Variants in UNC13C observed in about 807,000 individuals in gnomAD.
The protein encoded by UNC13C is unc-13 homolog C.
In UNC13C, 174 loss-of-function variants were observed where a neutral mutation model predicts 245.4. The ratio of observed to expected loss-of-function variants is 0.71; its 90% CI spans 0.63 to 0.80. UNC13C has a LOEUF of 0.80. Ranked by LOEUF, UNC13C falls within the 30% of genes least tolerant of loss-of-function variation. The pLI, the probability that UNC13C is intolerant of heterozygous loss-of-function variation, is 0.00. For missense variants in UNC13C, 2,829 were observed against 2,602.9 expected (o/e 1.09, Z -1.89); for synonymous variants, 992 against 895.1 (o/e 1.11, Z -1.93).
intron 17 of UNC13C, among the ~76,000 whole-genome samples, chr15:54,355,329 A>G (rs2140851445): frequency 6.6e-6 from 1 of 152,200 alleles, no homozygotes; most frequent in African/African-American, 2.4e-5. Context: ...TCATTTCATT[A>G]TCTCTGAATT....
intron 4 of UNC13C, among the ~76,000 whole-genome samples, chr15:54,221,197 T>C (rs1165865834): frequency 6.6e-6 from 1 of 152,062 alleles, no homozygotes; most frequent in Non-Finnish European, 1.5e-5. Context: ...TAAATTTAAA[T>C]TCTAATTGCT....
chr15:54,011,219 C>T lies in UNC13C; in HGVS notation c.-256-1429C>T, dbSNP rs76678209. 6.1e-3 allele frequency among the ~76,000 whole-genome samples: 924 copies of T among 152,124 alleles called. 8 individuals are homozygous for T. The highest frequency in any genetic ancestry group is 0.021 in the African/African-American group (862 of 41,506). On this transcript the variant is annotated intron_variant, in intron 1 of 32. Coordinates refer to ENST00000260323, the MANE Select transcript of UNC13C (RefSeq NM_001080534.3). ...GAGTTCGTGTGTGCAACTGTGGACACCTGTTCCTGAGTTTGCATTTGGTGG... is the reference window on the plus strand; with the variant it reads ...GAGTTCGTGTGTGCAACTGTGGACATCTGTTCCTGAGTTTGCATTTGGTGG...
chr15:54,048,511 C>T (rs1055609457), intron 2 of UNC13C: 29 of 579,850 alleles, frequency 5.0e-5, no homozygotes, highest in African/African-American at 1.1e-4. Flanking sequence ...TTCCACTAAA[C>T]CTTAGTATGT....
At position 54,532,933 on chromosome 15, in the gene UNC13C, G is replaced by T; in HGVS notation, c.5563G>T (p.Glu1855Ter). Residue 1855 changes from glutamate (E) to a stop codon, truncating the protein, a stop_gained, in exon 26 of 33, where the codon GAA (glutamate) becomes TAA (stop). Coordinates refer to ENST00000260323, the MANE Select transcript of UNC13C (RefSeq NM_001080534.3). LOFTEE classifies it high-confidence loss of function. ...TATTTTTAGTTTCCAGGTTATAATT[G>T]AAGAGTGTATAAAACAGATGAGTTT... ...TYGESFQVIIEECIKQMSFEL... is the reference protein window; with the variant it reads ...TYGESFQVII 1 of 1,558,236 alleles carries T rather than the reference G, an allele frequency of 6.4e-7. No homozygotes were observed. Among genetic ancestry groups the T allele is most frequent in the Non-Finnish European group, 8.7e-7 (1 of 1,144,352 alleles).
chr15:54,438,700 G>A (rs970512818), intron 19 of UNC13C, among the ~76,000 whole-genome samples: 6 of 151,840 alleles, frequency 4.0e-5, no homozygotes, highest in African/African-American at 1.4e-4. Flanking sequence ...TACCTCTAGA[G>A]AGCTGGTGGT....
chr15:54,298,725 A>C (rs2037499608), intron 12 of UNC13C, among the ~76,000 whole-genome samples: 1 of 152,190 alleles, frequency 6.6e-6, no homozygotes, highest in African/African-American at 2.4e-5. Context: ...CTGAGAGCTT[A>C]GTTAGAGGTG....
At chr15:54,204,322 C>A (rs79389960) in intron 4 of UNC13C, among the ~76,000 whole-genome samples, 690 of 68,332 alleles carry the variant, frequency 0.01, 9 homozygotes, top group East Asian at 0.097. Context: ...AAAAAAAAAA[C>A]CAAAACCACC....
the UNC13C span, among the ~76,000 whole-genome samples, chr15:53,850,200 G>A: frequency 1.3e-5 from 2 of 152,006 alleles, no homozygotes; most frequent in African/African-American, 4.8e-5. Context: ...AGGATCAATT[G>A]AGGTCAAGTT....
At chr15:54,586,521 G>T (rs1224053821) in intron 30 of UNC13C, among the ~76,000 whole-genome samples, 1 of 152,176 alleles carries the variant, frequency 6.6e-6, no homozygotes, top group Non-Finnish European at 1.5e-5. Context: ...TCATATTGGA[G>T]CCCCATCCTT....
At chr15:54,425,296 CA>C (rs1022475449) in intron 19 of UNC13C, among the ~76,000 whole-genome samples, 18 of 151,568 alleles carry the variant, frequency 1.2e-4, no homozygotes, top group African/African-American at 3.9e-4. Context: ...AATACGAAAG[CA>C]GTAAGTAAAA....
the UNC13C span, among the ~76,000 whole-genome samples, chr15:53,910,402 G>A: frequency 0.57 from 82,938 of 144,738 alleles, 27,560 homozygotes; most frequent in Middle Eastern, 0.67. Context: ...CACTTATTAT[G>A]TAACCTGTTT....
chr15:54,589,275 ATCT>A (rs763547702), intron 30 of UNC13C, among the ~76,000 whole-genome samples: 3,484 of 95,034 alleles, frequency 0.037, 196 homozygotes, highest in South Asian at 0.055. Context: ...CCATTTGTAT[ATCT>A]TCTTCTTCTT....
chr15:54,215,008 T>G (rs1401967856), intron 4 of UNC13C, among the ~76,000 whole-genome samples: 1 of 151,956 alleles, frequency 6.6e-6, no homozygotes, highest in African/African-American at 2.4e-5. Context: ...TTTTTTGTTT[T>G]CTGTTCTGTA....
At position 54,220,381 on chromosome 15, in the gene UNC13C, A is replaced by G. The variant is rs376025060; in HGVS notation, c.3072-14649A>G. Among the ~76,000 whole-genome samples the G allele has an allele frequency of 4.0e-3, 532 of 134,070 alleles. 5 individuals are homozygous for G. In the East Asian group the frequency reaches 0.047, roughly 12 times the overall value. The allele number at this position is 134,070 out of a possible 152,430, so 88.0% of individuals were successfully genotyped here. A position where few individuals can be genotyped will look rare whatever the true frequency, so the allele number is the denominator to read the frequency against. Reference sequence around the variant, plus strand: ...AAACAGCGCATGTTCTCACTCATAGATGGGAATTGAACAATGAGAACACAT... The same window carrying G: ...AAACAGCGCATGTTCTCACTCATAGGTGGGAATTGAACAATGAGAACACAT... On this transcript the variant is annotated intron_variant, in intron 4 of 32. Coordinates refer to ENST00000260323, the MANE Select transcript of UNC13C (RefSeq NM_001080534.3).
intron 2 of UNC13C, among the ~76,000 whole-genome samples, chr15:54,118,029 A>C (rs1376032694): frequency 6.6e-6 from 1 of 152,038 alleles, no homozygotes; most frequent in Non-Finnish European, 1.5e-5. Context: ...TGCCAATACC[A>C]TGCTGATTTG....
chr15:53,923,379 C>T, the UNC13C span, among the ~76,000 whole-genome samples: 1 of 152,212 alleles, frequency 6.6e-6, no homozygotes, highest in Non-Finnish European at 1.5e-5. Context: ...TATTAAGTCT[C>T]TGTGTATCTG....
the UNC13C span, among the ~76,000 whole-genome samples, chr15:53,852,016 C>A: frequency 6.6e-6 from 1 of 152,154 alleles, no homozygotes; most frequent in Non-Finnish European, 1.5e-5. Flanking sequence ...TTAATGGGAT[C>A]CAAAGAGGGA....
chr15:54,091,775 G>A lies in UNC13C; in HGVS notation c.2984-51243G>A, dbSNP rs552873049. Among the ~76,000 whole-genome samples the A allele has an allele frequency of 3.4e-5, 5 of 148,964 alleles. No homozygotes were observed. The East Asian group carries it at 9.9e-4, about 29-fold the overall frequency. On this transcript the variant is annotated intron_variant, in intron 2 of 32. Transcript: ENST00000260323. Reference sequence around the variant, plus strand: ...TTTTTCAATTGATACTTTTTTTTAAGAGAAATCATTTTATTGAATTTTTGC... The same window carrying A: ...TTTTTCAATTGATACTTTTTTTTAAAAGAAATCATTTTATTGAATTTTTGC...
intron 17 of UNC13C, among the ~76,000 whole-genome samples, chr15:54,358,368 T>G (rs1305516377): frequency 6.6e-6 from 1 of 152,104 alleles, no homozygotes; most frequent in East Asian, 1.9e-4. Context: ...ATCATTGGTA[T>G]TTTCATAGGG....
Sources: gnomAD v4.1 joint callset for allele counts (sites outside exome capture counted in the v4.1 genomes callset) on GRCh38, gnomAD v4.1.1 for gene constraint, MANE v1.5 for transcripts, NCBI Gene and HGNC (gene_info 2026-07-23, HGNC 2026-07-21) for gene names.